The following TMEM45B variants were observed in gnomAD, a reference collection of about 807,000 sequenced individuals.
TMEM45B encodes transmembrane protein 45B.
Under a neutral mutation model 27.3 loss-of-function variants are expected in TMEM45B, and 29 were observed. The observed-to-expected ratio is 1.06, with a 90% CI of 0.79 to 1.45. TMEM45B has a LOEUF of 1.45. Ranked by LOEUF, TMEM45B falls within the 40% of genes most tolerant of loss-of-function variation. The probability of loss-of-function intolerance (pLI) is 0.00; values close to 1 mark genes in which losing one functional copy is unlikely to be tolerated. For synonymous variants in TMEM45B, 143 were observed against 134.7 expected (o/e 1.06, Z -0.43); for missense variants, 348 against 343.9 (o/e 1.01, Z -0.09).
chr11:129,822,841 CTTTT>C (rs981694529), intron 1 of TMEM45B, among the ~76,000 whole-genome samples: 2 of 134,116 alleles, frequency 1.5e-5, no homozygotes. Flanking sequence ...AAACATTTTT[CTTTT>C]TTTTTTTTTT....
At chr11:129,831,587 G>A (rs1947547249) in intron 1 of TMEM45B, among the ~76,000 whole-genome samples, 1 of 152,192 alleles carries the variant, frequency 6.6e-6, no homozygotes, top group African/African-American at 2.4e-5. Flanking sequence ...AACTGAAACT[G>A]CAGAAAGCAA....
chr11:129,843,016 T>C (rs978052669), intron 1 of TMEM45B, among the ~76,000 whole-genome samples: 28 of 152,234 alleles, frequency 1.8e-4, no homozygotes, highest in African/African-American at 6.0e-4. Flanking sequence ...CTCGGCTCAC[T>C]GTAACCTCCG....
At chr11:129,850,758 C>A (rs934202653) in intron 1 of TMEM45B, among the ~76,000 whole-genome samples, 1 of 152,156 alleles carries the variant, frequency 6.6e-6, no homozygotes, top group Non-Finnish European at 1.5e-5. Context: ...TCTCTAAGAA[C>A]GAGGCTTTCC....
At position 129,855,590 on chromosome 11, in the gene TMEM45B, A is replaced by T. The variant is rs145417836; in HGVS notation, c.386-118A>T. On this transcript the variant is annotated intron_variant, in intron 3 of 5. Transcript: ENST00000281441. ...TACTCGCATCTGTTTGCTGCCTGTAATGTTATGTACTAACTGCCTAAATGC... is the reference window on the plus strand; with the variant it reads ...TACTCGCATCTGTTTGCTGCCTGTATTGTTATGTACTAACTGCCTAAATGC... 969 of 928,252 alleles carry T rather than the reference A, an allele frequency of 1.0e-3. 7 individuals are homozygous for T. The African/African-American group carries it at 0.014, about 14-fold the overall frequency. 57.5% of individuals were successfully genotyped at this position (928,252 alleles called of 1,614,324 possible). A position where few individuals can be genotyped will look rare whatever the true frequency, so the allele number is the denominator to read the frequency against.
chr11:129,819,009 T>C (rs1947385198), intron 1 of TMEM45B, among the ~76,000 whole-genome samples: 1 of 152,186 alleles, frequency 6.6e-6, no homozygotes, highest in Admixed American at 6.5e-5. Flanking sequence ...ACTCTTTTGG[T>C]TTGAGGTCTG....
intron 1 of TMEM45B, among the ~76,000 whole-genome samples, chr11:129,829,116 A>G (rs1947520002): frequency 6.6e-6 from 1 of 152,212 alleles, no homozygotes; most frequent in Non-Finnish European, 1.5e-5. Context: ...AGATTCACAG[A>G]CATTAGAGAA....
At chr11:129,856,735 A>G (rs1947932637) in intron 4 of TMEM45B, among the ~76,000 whole-genome samples, 1 of 149,386 alleles carries the variant, frequency 6.7e-6, no homozygotes, top group Non-Finnish European at 1.5e-5. Flanking sequence ...AATTTTTTGT[A>G]TTTTTAGTAG....
intron 1 of TMEM45B, among the ~76,000 whole-genome samples, chr11:129,848,005 CG>C (rs1947789369): frequency 8.2e-6 from 1 of 121,956 alleles, no homozygotes; most frequent in Non-Finnish European, 1.8e-5. Context: ...GGATGGCGGC[CG>C]GGCAGAGACG....
At chr11:129,818,050 T>C (rs547504312) in intron 1 of TMEM45B, among the ~76,000 whole-genome samples, 1 of 152,318 alleles carries the variant, frequency 6.6e-6, no homozygotes, top group South Asian at 2.1e-4. Context: ...TTATTCCCAG[T>C]ATGAGACCAT....
At chr11:129,822,665 G>A (rs1255364230) in intron 1 of TMEM45B, among the ~76,000 whole-genome samples, 1 of 152,052 alleles carries the variant, frequency 6.6e-6, no homozygotes, top group Non-Finnish European at 1.5e-5. Flanking sequence ...ATTCAAAATG[G>A]GAAATGTGTC....
chr11:129,854,639 G>A lies in TMEM45B; in HGVS notation c.208G>A (p.Gly70Arg), dbSNP rs1425040037. ...CCTGGCAGAGCAGTTTGTTCCGGAT[G>A]GGCCCCACCTGCACCTCTACCATGA... Reference protein sequence around the residue: ...GILAEQFVPDGPHLHLYHENH... With the variant: ...GILAEQFVPDRPHLHLYHENH... The change falls in exon 3 of 6, where the codon GGG becomes AGG. Residue 70 changes from glycine (G) to arginine (R), a missense_variant. Transcript: ENST00000281441. The A allele has an allele frequency of 1.2e-6, 2 of 1,614,068 alleles. No homozygotes were observed. Among genetic ancestry groups the A allele is most frequent in the Non-Finnish European group, 1.7e-6 (2 of 1,180,044 alleles).
At chr11:129,843,106 A>AT (rs1175168715) in intron 1 of TMEM45B, among the ~76,000 whole-genome samples, 1 of 152,100 alleles carries the variant, frequency 6.6e-6, no homozygotes, top group African/African-American at 2.4e-5. Context: ...CGGCTGGCTA[A>AT]TTTTTTGTAT....
intron 1 of TMEM45B, among the ~76,000 whole-genome samples, chr11:129,847,096 G>A (rs1947770407): frequency 6.6e-6 from 1 of 152,220 alleles, no homozygotes; most frequent in Admixed American, 6.5e-5. Context: ...GGGTGGGGAA[G>A]AGGGAGAGGC....
intron 1 of TMEM45B, among the ~76,000 whole-genome samples, chr11:129,829,010 C>T (rs1188124542): frequency 6.6e-6 from 1 of 152,200 alleles, no homozygotes; most frequent in Non-Finnish European, 1.5e-5. Context: ...ACTTATTAAA[C>T]ATGTATTCTA....
intron 4 of TMEM45B, among the ~76,000 whole-genome samples, chr11:129,856,954 G>A (rs1455740179): frequency 6.6e-6 from 1 of 151,290 alleles, no homozygotes; most frequent in Non-Finnish European, 1.5e-5. Flanking sequence ...CCAGGTTCAA[G>A]CAATTCTCCT....
Position 129,847,410 on chromosome 11 carries a change from T to TG in TMEM45B, c.-8-5065_-8-5064insG, listed in dbSNP as rs33976834. Among the ~76,000 whole-genome samples the TG allele has an allele frequency of 9.0e-3, 819 of 91,416 alleles. 11 individuals are homozygous for TG. The highest frequency in any genetic ancestry group is 0.037 in the East Asian group (98 of 2,656). The allele number at this position is 91,416 out of a possible 152,430, so 60.0% of individuals were successfully genotyped here. Reference sequence around the variant, plus strand: ...TTTTTTAAAAGCTTATGAAGTTATTTTTTTTTATTTTTTTTTATTGATCAT... The same window carrying TG: ...TTTTTTAAAAGCTTATGAAGTTATTTGTTTTTTATTTTTTTTTATTGATCAT... On this transcript the variant is annotated intron_variant, in intron 1 of 5. Transcript: ENST00000281441.
At chr11:129,855,283 G>A (rs904709892) in intron 3 of TMEM45B, among the ~76,000 whole-genome samples, 3 of 151,720 alleles carry the variant, frequency 2.0e-5, no homozygotes, top group South Asian at 2.1e-4. Flanking sequence ...ACAAGCCTCA[G>A]GAGACCCACT....
At chr11:129,843,604 A>AG (rs920984957) in intron 1 of TMEM45B, among the ~76,000 whole-genome samples, 1 of 133,208 alleles carries the variant, frequency 7.5e-6, no homozygotes, top group Non-Finnish European at 1.7e-5. Context: ...TTCTGCTTTG[A>AG]GAAAAAAAAA....
chr11:129,852,798 A>G (rs954342714), intron 2 of TMEM45B, 138 bp downstream of exon 2: 2 of 837,386 alleles, frequency 2.4e-6, no homozygotes, highest in African/African-American at 1.7e-5. Flanking sequence ...CCACTAGACT[A>G]TTTTATCGTA....
Sources: gnomAD v4.1 joint callset for allele counts (sites outside exome capture counted in the v4.1 genomes callset) on GRCh38, gnomAD v4.1.1 for gene constraint, MANE v1.5 for transcripts, NCBI Gene and HGNC (gene_info 2026-07-23, HGNC 2026-07-21) for gene names.